The following MAMDC2 variants were observed in gnomAD, a reference collection of about 807,000 sequenced individuals.
MAMDC2 encodes the protein MAM domain containing 2, also known as MAM domain-containing protein 2.
In MAMDC2, 57 loss-of-function variants were observed where a neutral mutation model predicts 89.8. The ratio of observed to expected loss-of-function variants is 0.63; its 90% CI spans 0.51 to 0.79. The LOEUF (loss-of-function observed/expected upper bound fraction) is 0.79. MAMDC2 is among the 30% of genes least tolerant of loss of function. The pLI, the probability that MAMDC2 is intolerant of heterozygous loss-of-function variation, is 0.00. For missense variants in MAMDC2, 800 were observed against 820.6 expected (o/e 0.97, Z 0.31); for synonymous variants, 313 against 293.4 (o/e 1.07, Z -0.68).
At chr9:70,159,446 C>G (rs1214020940) in intron 9 of MAMDC2, among the ~76,000 whole-genome samples, 1 of 152,170 alleles carries the variant, frequency 6.6e-6, no homozygotes, top group African/African-American at 2.4e-5. Flanking sequence ...CTTCATGGAT[C>G]TACACTTTGG....
At chr9:70,135,821 T>C (rs1364490402) in intron 7 of MAMDC2, among the ~76,000 whole-genome samples, 7 of 152,110 alleles carry the variant, frequency 4.6e-5, no homozygotes, top group Non-Finnish European at 1.0e-4. Flanking sequence ...GTATCCACCA[T>C]TGTAGTATCA....
intron 11 of MAMDC2, among the ~76,000 whole-genome samples, chr9:70,186,359 G>A (rs1232352643): frequency 6.6e-6 from 1 of 151,522 alleles, no homozygotes; most frequent in African/African-American, 2.4e-5. Context: ...GATTCTTTCA[G>A]TTTTTGTTTG....
At chr9:70,128,843 G>C (rs2030675879) in intron 6 of MAMDC2, among the ~76,000 whole-genome samples, 1 of 152,068 alleles carries the variant, frequency 6.6e-6, no homozygotes, top group African/African-American at 2.4e-5. Context: ...TTTTTGTAAA[G>C]ATGAGGTTTC....
In MAMDC2 at chr9:70,218,591, C is replaced by T. The variant is rs1211511445; in HGVS notation, c.1906C>T (p.His636Tyr). The change falls in exon 12 of 14, where the codon CAC becomes TAC. Residue 636 changes from histidine (H) to tyrosine (Y), a missense_variant. By Grantham distance (83) the His-to-Tyr change is moderately conservative (BLOSUM62 2). Coordinates refer to ENST00000377182, the MANE Select transcript of MAMDC2 (RefSeq NM_153267.5). The stretch of plus-strand genomic sequence containing the variant: ...GATTGAATACAGCTGTGAGAGGCAA[C>T]ACCAGGTAAGCCAACAGAGATAAGA... Reference protein sequence around the residue: ...ALIEYSCERQHQIIFEAIRGV... With the variant: ...ALIEYSCERQYQIIFEAIRGV... 3 of 1,603,670 alleles carry T rather than the reference C, an allele frequency of 1.9e-6. No individual in the cohort carries two copies. Among genetic ancestry groups the T allele is most frequent in the Non-Finnish European group, 2.6e-6 (3 of 1,173,176 alleles).
intron 2 of MAMDC2, among the ~76,000 whole-genome samples, chr9:70,100,115 G>A (rs576957906): frequency 6.6e-6 from 1 of 151,912 alleles, no homozygotes; most frequent in Non-Finnish European, 1.5e-5. Flanking sequence ...CATCAGAAGA[G>A]GATGCTGATC....
Position 70,075,748 on chromosome 9 carries a change from A to C in MAMDC2, c.148+31051A>C, listed in dbSNP as rs540729528. Reference sequence around the variant, plus strand: ...CAATTACATGTGTATGAAATGTACAAAGTTACTCATAGTGGCATTATTGAC... The same window carrying C: ...CAATTACATGTGTATGAAATGTACACAGTTACTCATAGTGGCATTATTGAC... On this transcript the variant is annotated intron_variant, in intron 2 of 13. Coordinates refer to ENST00000377182, the MANE Select transcript of MAMDC2 (RefSeq NM_153267.5). Among the ~76,000 whole-genome samples the C allele has an allele frequency of 5.3e-4, 80 of 152,184 alleles. 1 individual carries two copies. Among genetic ancestry groups the C allele is most frequent in the Admixed American group, 1.3e-3 (20 of 15,276 alleles).
At chr9:70,071,620 A>C (rs1205538843) in intron 2 of MAMDC2, 1 of 152,230 alleles carries the variant, frequency 6.6e-6, no homozygotes, top group Non-Finnish European at 1.5e-5. Context: ...TATCAGTAAG[A>C]TAAAGCCAAA....
At chr9:70,066,954 T>C (rs758997602) in intron 2 of MAMDC2, among the ~76,000 whole-genome samples, 2 of 152,182 alleles carry the variant, frequency 1.3e-5, no homozygotes, top group African/African-American at 2.4e-5. Flanking sequence ...TGCAGGTGGG[T>C]TCCCTAGAAG....
intron 2 of MAMDC2, among the ~76,000 whole-genome samples, chr9:70,052,591 C>T (rs1398814484): frequency 6.6e-6 from 1 of 152,118 alleles, no homozygotes; most frequent in Non-Finnish European, 1.5e-5. Context: ...GATAAGAGTC[C>T]CCACCCTGTC....
intron 9 of MAMDC2, among the ~76,000 whole-genome samples, chr9:70,151,611 T>A (rs2031581691): frequency 6.6e-6 from 1 of 152,174 alleles, no homozygotes; most frequent in Non-Finnish European, 1.5e-5. Context: ...TGCCTTTTAG[T>A]GCAGGGTATC....
chr9:70,068,922 G>A (rs1206721232), intron 2 of MAMDC2, among the ~76,000 whole-genome samples: 9 of 152,124 alleles, frequency 5.9e-5, no homozygotes, highest in African/African-American at 1.9e-4. Flanking sequence ...GAATGGGTAT[G>A]ATTTAAAAGT....
intron 5 of MAMDC2, among the ~76,000 whole-genome samples, chr9:70,114,283 G>T (rs1225851125): frequency 6.8e-6 from 1 of 146,714 alleles, no homozygotes; most frequent in East Asian, 2.0e-4. Context: ...CGGCAAACTA[G>T]ATGGCAGAGA....
chr9:70,096,965 AC>A (rs1159802547), intron 2 of MAMDC2, among the ~76,000 whole-genome samples: 1 of 152,106 alleles, frequency 6.6e-6, no homozygotes, highest in Non-Finnish European at 1.5e-5. Flanking sequence ...AATTCCCCTT[AC>A]TCCCCAAAAG....
At chr9:70,057,313 A>G (rs984224578) in intron 2 of MAMDC2, among the ~76,000 whole-genome samples, 1 of 152,200 alleles carries the variant, frequency 6.6e-6, no homozygotes, top group Non-Finnish European at 1.5e-5. Context: ...TGTCATGATC[A>G]AGTTTGATCC....
At position 70,134,575 on chromosome 9, in the gene MAMDC2, G is replaced by A. The variant is rs114087612; in HGVS notation, c.994+2963G>A. On this transcript the variant is annotated intron_variant, in intron 7 of 13. Transcript: ENST00000377182. ...GGGTCCACCCCACACCCAGTGACTGGGTATATCCTAACACTCATGGGAACG... is the reference window on the plus strand; with the variant it reads ...GGGTCCACCCCACACCCAGTGACTGAGTATATCCTAACACTCATGGGAACG... Among the ~76,000 whole-genome samples, 1,063 of 152,096 alleles carry A rather than the reference G, an allele frequency of 7.0e-3. 13 individuals are homozygous for A. The highest frequency in any genetic ancestry group is 0.025 in the African/African-American group (1,025 of 41,474).
intron 2 of MAMDC2, among the ~76,000 whole-genome samples, chr9:70,093,286 G>C (rs998536410): frequency 6.6e-6 from 1 of 152,124 alleles, no homozygotes; most frequent in African/African-American, 2.4e-5. Flanking sequence ...CTCTTGTCTT[G>C]TGAATGGACA....
At chr9:70,060,113 A>G (rs1304613171) in intron 2 of MAMDC2, among the ~76,000 whole-genome samples, 1 of 152,090 alleles carries the variant, frequency 6.6e-6, no homozygotes, top group East Asian at 1.9e-4. Context: ...GGATTTAATT[A>G]TTTGTTCATT....
chr9:70,198,204 T>A (rs186186793), intron 11 of MAMDC2, among the ~76,000 whole-genome samples: 1,783 of 148,500 alleles, frequency 0.012, 27 homozygotes, highest in African/African-American at 0.041. Flanking sequence ...ACACAATATA[T>A]AATATATAAT....
intron 5 of MAMDC2, 104 bp downstream of exon 5, chr9:70,113,236 G>T (rs1828558920): frequency 7.8e-7 from 1 of 1,282,244 alleles, no homozygotes; most frequent in East Asian, 2.5e-5. Flanking sequence ...ACAGGGAAGA[G>T]AGGAGGGAGG....
Sources: allele counts gnomAD v4.1 joint callset (sites outside exome capture counted in the v4.1 genomes callset), GRCh38; gene constraint gnomAD v4.1.1; transcripts MANE v1.5; gene names NCBI Gene and HGNC (gene_info 2026-07-23, HGNC 2026-07-21).